The following DIP2C variants were observed in gnomAD, a reference collection of about 807,000 sequenced individuals.
DIP2C encodes disco-interacting protein 2 homolog C.
DIP2C carries 33 observed loss-of-function variants against 192.4 expected under a neutral mutation model. That is an observed-to-expected ratio of 0.17 (90% CI 0.13 to 0.23). DIP2C has a LOEUF of 0.23. Ranked by LOEUF, DIP2C falls within the 10% of genes least tolerant of loss-of-function variation. The pLI, the probability that DIP2C is intolerant of heterozygous loss-of-function variation, is 1.00. For missense variants in DIP2C, 1,537 were observed against 2,110.1 expected (o/e 0.73, Z 5.32); for synonymous variants, 979 against 864.1 (o/e 1.13, Z -2.33).
intron 4 of DIP2C, among the ~76,000 whole-genome samples, chr10:433,420 T>C (rs1352436298): frequency 6.6e-6 from 1 of 152,220 alleles, no homozygotes; most frequent in Non-Finnish European, 1.5e-5. Flanking sequence ...CTCATGCCTG[T>C]AATCCCAGCA....
intron 17 of DIP2C, among the ~76,000 whole-genome samples, chr10:378,845 G>A (rs1338386075): frequency 3.3e-5 from 5 of 151,534 alleles, no homozygotes; most frequent in South Asian, 2.1e-4. Context: ...GAACAGACAT[G>A]CATAGACACA....
chr10:484,764 A>G, intron 2 of DIP2C: 1 of 1,608,630 alleles, frequency 6.2e-7, no homozygotes, highest in Non-Finnish European at 8.5e-7. Flanking sequence ...GCTGGCTCTC[A>G]GCAAAGCAGC....
rs187635206 is a variant in DIP2C at position 650,371 on chromosome 10, C to T, written c.85+39123G>A. The T allele has an allele frequency of 1.0e-3, 714 of 717,092 alleles. 3 individuals are homozygous for T. The highest frequency in any genetic ancestry group is 2.7e-3 in the Admixed American group (137 of 50,014). 44.4% of individuals were successfully genotyped at this position (717,092 alleles called of 1,614,324 possible). A position where few individuals can be genotyped will look rare whatever the true frequency, so the allele number is the denominator to read the frequency against. ...AGCCCCAGACCGGGGCTGTGGATAA[C>T]GCCAGCCCACGGCAGCCACACGCCC... On this transcript the variant is annotated intron_variant, in intron 1 of 36. Coordinates refer to ENST00000280886, the MANE Select transcript of DIP2C (RefSeq NM_014974.3).
At chr10:492,811 T>C (rs1030387245) in intron 1 of DIP2C, among the ~76,000 whole-genome samples, 2 of 152,166 alleles carry the variant, frequency 1.3e-5, no homozygotes, top group Non-Finnish European at 1.5e-5. Flanking sequence ...GAAAGGGGAT[T>C]AAAGGAAACA....
At chr10:484,912 T>C in intron 2 of DIP2C, 1 of 1,611,762 alleles carries the variant, frequency 6.2e-7, no homozygotes, top group Non-Finnish European at 8.5e-7. Flanking sequence ...TTCACTGTGC[T>C]GCAGTCTACA....
intron 26 of DIP2C, among the ~76,000 whole-genome samples, chr10:347,454 T>C (rs1218752939): frequency 1.7e-5 from 2 of 118,760 alleles, no homozygotes; most frequent in Non-Finnish European, 3.3e-5. Flanking sequence ...CCCAGACACA[T>C]CGCGCATAGT....
Position 415,913 on chromosome 10 carries a change from G to A in DIP2C, c.740-25C>T, listed in dbSNP as rs1029531552. The stretch of plus-strand genomic sequence containing the variant: ...CCTGAAAAACAGGAATCAGCGGGTG[G>A]GGAAAGCGATCATCACAGCTTCAAT... On this transcript the variant is annotated intron_variant, in intron 6 of 36. Coordinates refer to ENST00000280886, the MANE Select transcript of DIP2C (RefSeq NM_014974.3). The A allele has an allele frequency of 1.9e-6, 3 of 1,613,134 alleles. No individual in the cohort carries two copies. The African/African-American group carries it at 4.0e-5, about 22-fold the overall frequency.
intron 17 of DIP2C, among the ~76,000 whole-genome samples, chr10:377,907 T>C (rs149678250): frequency 9.8e-5 from 15 of 152,358 alleles, no homozygotes; most frequent in African/African-American, 1.9e-4. Context: ...GGTATCCAAA[T>C]AGTACTTTGT....
intron 1 of DIP2C, among the ~76,000 whole-genome samples, chr10:560,006 C>A (rs892990085): frequency 6.9e-6 from 1 of 144,194 alleles, no homozygotes; most frequent in African/African-American, 2.5e-5. Context: ...CGATCCAGTT[C>A]TCACCTCTCT....
intron 1 of DIP2C, among the ~76,000 whole-genome samples, chr10:662,620 G>C (rs1035732358): frequency 3.9e-5 from 6 of 152,182 alleles, no homozygotes; most frequent in Non-Finnish European, 8.8e-5. Flanking sequence ...AACTAAGATG[G>C]ATGCCTTTCA....
At chr10:597,983 C>A (rs1185556854) in intron 1 of DIP2C, among the ~76,000 whole-genome samples, 1 of 152,220 alleles carries the variant, frequency 6.6e-6, no homozygotes, top group Non-Finnish European at 1.5e-5. Context: ...TACCTGGACT[C>A]TGGGGCTGAC....
At chr10:287,669 G>GAAA (rs34102226) in intron 33 of DIP2C, among the ~76,000 whole-genome samples, 190 of 124,022 alleles carry the variant, frequency 1.5e-3, no homozygotes, top group African/African-American at 4.8e-3. Flanking sequence ...GGCCGAAACG[G>GAAA]AAAAAAAAAA....
At chr10:416,755 C>T (rs1183217407) in intron 6 of DIP2C, among the ~76,000 whole-genome samples, 1 of 152,148 alleles carries the variant, frequency 6.6e-6, no homozygotes, top group Non-Finnish European at 1.5e-5. Flanking sequence ...GATGCCACAA[C>T]TAGATCAAAA....
chr10:389,427 GC>G (rs1963276218), intron 13 of DIP2C, among the ~76,000 whole-genome samples: 1 of 152,130 alleles, frequency 6.6e-6, no homozygotes, highest in Non-Finnish European at 1.5e-5. Context: ...TCCCATACCA[GC>G]CCACCCGGGG....
chr10:473,612 G>A (rs573272216), intron 2 of DIP2C, among the ~76,000 whole-genome samples: 3 of 151,556 alleles, frequency 2.0e-5, no homozygotes, highest in Non-Finnish European at 2.9e-5. Flanking sequence ...GTCATCCTAC[G>A]CCGTCCCCAC....
intron 1 of DIP2C, among the ~76,000 whole-genome samples, chr10:504,758 G>A (rs1033048484): frequency 1.3e-5 from 2 of 152,190 alleles, no homozygotes; most frequent in African/African-American, 2.4e-5. Context: ...GCAGGTGGCC[G>A]CTAACCTGGT....
intron 1 of DIP2C, among the ~76,000 whole-genome samples, chr10:495,532 GA>G (rs1175464518): frequency 2.0e-5 from 3 of 149,960 alleles, no homozygotes; most frequent in Non-Finnish European, 4.4e-5. Flanking sequence ...GGTTTGTGTG[GA>G]AAAAATTCTG....
At chr10:340,178 CAAA>C (rs34140870) in intron 29 of DIP2C, among the ~76,000 whole-genome samples, 1 of 114,192 alleles carries the variant, frequency 8.8e-6, no homozygotes, top group Non-Finnish European at 1.9e-5. Flanking sequence ...AAGACTGTCT[CAAA>C]AAAAAAAAAA....
At chr10:641,262 T>C (rs922175183) in intron 1 of DIP2C, among the ~76,000 whole-genome samples, 1 of 152,058 alleles carries the variant, frequency 6.6e-6, no homozygotes, top group Admixed American at 6.5e-5. Context: ...AATCCCCAAA[T>C]GGGCAGTTTT....
Sources: allele counts gnomAD v4.1 joint callset (sites outside exome capture counted in the v4.1 genomes callset), GRCh38; gene constraint gnomAD v4.1.1; transcripts MANE v1.5; gene names NCBI Gene and HGNC (gene_info 2026-07-23, HGNC 2026-07-21).